Variants in MACROD2 observed in about 807,000 individuals in gnomAD.
MACROD2 encodes the protein mono-ADP ribosylhydrolase 2.
Under a neutral mutation model 70.4 loss-of-function variants are expected in MACROD2, and 36 were observed. The ratio of observed to expected loss-of-function variants is 0.51; its 90% confidence interval spans 0.39 to 0.68. The LOEUF (loss-of-function observed/expected upper bound fraction) is 0.68. Among genes scored for constraint, MACROD2 ranks in the 30% least tolerant of loss-of-function variants. The pLI is 0.00. For missense variants in MACROD2, 496 were observed against 538.4 expected (o/e 0.92, Z 0.78); for synonymous variants, 172 against 178.8 (o/e 0.96, Z 0.30).
chr20:15,579,426 A>G (rs1312405131), intron 8 of MACROD2, among the ~76,000 whole-genome samples: 1 of 152,212 alleles, frequency 6.6e-6, no homozygotes, highest in Non-Finnish European at 1.5e-5. Context: ...CCCGAGAAAT[A>G]GGTATTTAAT....
At chr20:15,464,975 G>A (rs2046866141) in intron 7 of MACROD2, among the ~76,000 whole-genome samples, 1 of 152,108 alleles carries the variant, frequency 6.6e-6, no homozygotes, top group Non-Finnish European at 1.5e-5. Flanking sequence ...AGGGAGACCT[G>A]ATTTGATTTT....
chr20:14,431,371 T>G (rs970039665), intron 3 of MACROD2, among the ~76,000 whole-genome samples: 31 of 152,070 alleles, frequency 2.0e-4, no homozygotes, highest in Admixed American at 2.0e-3. Context: ...GGGATGGAGC[T>G]TAGAAGAAAG....
intron 3 of MACROD2, among the ~76,000 whole-genome samples, chr20:14,358,392 T>C (rs967453395): frequency 6.6e-6 from 1 of 152,208 alleles, no homozygotes; most frequent in East Asian, 1.9e-4. Flanking sequence ...TAAATACTTA[T>C]ATTAACTCAT....
intron 3 of MACROD2, among the ~76,000 whole-genome samples, chr20:14,467,545 G>A (rs904232097): frequency 1.3e-5 from 2 of 152,044 alleles, no homozygotes; most frequent in African/African-American, 2.4e-5. Context: ...CCACTGTCCT[G>A]CACCCACTGT....
chr20:14,848,602 C>T (rs1286484189), intron 5 of MACROD2, among the ~76,000 whole-genome samples: 1 of 152,116 alleles, frequency 6.6e-6, no homozygotes, highest in African/African-American at 2.4e-5. Flanking sequence ...TAAGCCTGTA[C>T]TGTCTGATAT....
intron 3 of MACROD2, among the ~76,000 whole-genome samples, chr20:14,347,246 G>T (rs996307222): frequency 1.3e-5 from 2 of 152,120 alleles, no homozygotes; most frequent in Non-Finnish European, 2.9e-5. Flanking sequence ...TTACTATGGT[G>T]GTAAGTGCAA....
chr20:15,675,760 A>G (rs1386532605), intron 8 of MACROD2, among the ~76,000 whole-genome samples: 1 of 152,206 alleles, frequency 6.6e-6, no homozygotes, highest in African/African-American at 2.4e-5. Context: ...CAGAAGTACC[A>G]TTATTTTAAA....
Position 15,574,727 on chromosome 20 carries a change from G to A in MACROD2, c.645+74880G>A, listed in dbSNP as rs2048421327. Among the ~76,000 whole-genome samples the A allele has an allele frequency of 1.3e-5, 2 of 152,102 alleles. 1 individual carries two copies. Among genetic ancestry groups the A allele is most frequent in the South Asian group, 4.1e-4 (2 of 4,830 alleles). ...CCGTACTTTCCTTGTATTGAGGTGT[G>A]GCTTCAGCCTTCAAGGGTCCATTCT... is the stretch of plus-strand genomic sequence containing the variant. On this transcript the variant is annotated intron_variant, in intron 8 of 17. Transcript: ENST00000684519.
intron 8 of MACROD2, among the ~76,000 whole-genome samples, chr20:15,510,777 G>A (rs1027600021): frequency 1.3e-5 from 2 of 152,312 alleles, no homozygotes; most frequent in African/African-American, 4.8e-5. Context: ...GCCATGCACC[G>A]CTGGAGGCTG....
intron 8 of MACROD2, among the ~76,000 whole-genome samples, chr20:15,521,631 A>G (rs2047654259): frequency 6.6e-6 from 1 of 152,232 alleles, no homozygotes; most frequent in Non-Finnish European, 1.5e-5. Flanking sequence ...AAATAACAGT[A>G]TGGCACACAT....
At chr20:15,873,385 C>T (rs917007376) in intron 9 of MACROD2, among the ~76,000 whole-genome samples, 1 of 151,808 alleles carries the variant, frequency 6.6e-6, no homozygotes, top group African/African-American at 2.4e-5. Flanking sequence ...CACTTTTATA[C>T]ATGAAAAAAA....
intron 3 of MACROD2, chr20:14,325,406 G>C: frequency 2.7e-6 from 2 of 729,860 alleles, no homozygotes; most frequent in Non-Finnish European, 4.1e-6. Flanking sequence ...TTAATAAAAA[G>C]TTCTTAAATA....
intron 3 of MACROD2, among the ~76,000 whole-genome samples, chr20:14,161,002 CT>C (rs1282435001): frequency 6.6e-6 from 1 of 152,020 alleles, no homozygotes; most frequent in African/African-American, 2.4e-5. Context: ...ACCCTCTCTC[CT>C]TTTGGAGTCC....
intron 8 of MACROD2, among the ~76,000 whole-genome samples, chr20:15,608,454 G>T (rs1487351679): frequency 6.6e-6 from 1 of 152,138 alleles, no homozygotes. Flanking sequence ...GTTCTAGGAG[G>T]AGCACACGTG....
chr20:14,536,147 C>T (rs1423847827), intron 4 of MACROD2, among the ~76,000 whole-genome samples: 5 of 152,040 alleles, frequency 3.3e-5, no homozygotes, highest in South Asian at 2.1e-4. Flanking sequence ...AGAACTTTCC[C>T]CTGATACCCA....
At chr20:14,802,297 G>A (rs1175036496) in intron 5 of MACROD2, among the ~76,000 whole-genome samples, 1 of 152,088 alleles carries the variant, frequency 6.6e-6, no homozygotes, top group East Asian at 1.9e-4. Flanking sequence ...AAGAAACTTG[G>A]ATATGGTTTT....
chr20:15,996,340 A>G (rs1167179340), intron 15 of MACROD2, among the ~76,000 whole-genome samples: 1 of 152,164 alleles, frequency 6.6e-6, no homozygotes, highest in Admixed American at 6.5e-5. Context: ...CTCGGTATCA[A>G]CATAATGCTG....
chr20:14,183,491 C>T lies in MACROD2; in HGVS notation c.271+97763C>T, dbSNP rs116245866. Among the ~76,000 whole-genome samples, 687 of 152,160 alleles carry T rather than the reference C, an allele frequency of 4.5e-3. 6 individuals carry two copies. The highest frequency in any genetic ancestry group is 0.034 in the Middle Eastern group (10 of 294). On this transcript the variant is annotated intron_variant, in intron 3 of 17. Transcript: ENST00000684519. ...TATGAATAGTGTTGCAATAAACAGA[C>T]ACGTGCATGTGTCTTTATAATAGAA...
chr20:15,693,608 T>C (rs1231356610), intron 8 of MACROD2, among the ~76,000 whole-genome samples: 1 of 152,216 alleles, frequency 6.6e-6, no homozygotes, highest in African/African-American at 2.4e-5. Flanking sequence ...ACTGAGTAAA[T>C]ATAACTGAGA....
Sources: gnomAD v4.1 joint callset for allele counts (sites outside exome capture counted in the v4.1 genomes callset) on GRCh38, gnomAD v4.1.1 for gene constraint, MANE v1.5 for transcripts, NCBI Gene and HGNC (gene_info 2026-07-23, HGNC 2026-07-21) for gene names.